The following CEP192 variants were observed in gnomAD, a reference collection of about 807,000 sequenced individuals.
The protein encoded by CEP192 is centrosomal protein 192.
CEP192 carries 151 observed loss-of-function variants against 271.8 expected under a neutral mutation model. The ratio of observed to expected loss-of-function variants is 0.56; its 90% CI spans 0.49 to 0.64. The LOEUF is 0.64. Among genes scored for constraint, CEP192 ranks in the 30% least tolerant of loss-of-function variants. The pLI, the probability that CEP192 is intolerant of heterozygous loss-of-function variation, is 0.00. For synonymous variants in CEP192, 995 were observed against 1,076.5 expected, an observed-to-expected ratio of 0.92 and a Z score of 1.48; for missense variants, 2,910 against 3,020.5, an observed-to-expected ratio of 0.96 and a Z score of 0.86.
intron 38 of CEP192, among the ~76,000 whole-genome samples, 196 bp from the exon 39 acceptor site, chr18:13,103,313 C>T (rs1456710952): frequency 6.6e-6 from 1 of 152,150 alleles, no homozygotes; most frequent in Non-Finnish European, 1.5e-5. Context: ...TTGCATTATA[C>T]TTGTAATAAA....
At chr18:13,075,025 T>C (rs925006996) in intron 30 of CEP192, among the ~76,000 whole-genome samples, 2 of 152,252 alleles carry the variant, frequency 1.3e-5, no homozygotes. Flanking sequence ...AAGTGGATGC[T>C]GTAATCTGAA....
intron 40 of CEP192, among the ~76,000 whole-genome samples, chr18:13,112,258 T>C (rs2040241412): frequency 6.6e-6 from 1 of 152,244 alleles, no homozygotes; most frequent in Non-Finnish European, 1.5e-5. Flanking sequence ...AAATCTGGTA[T>C]ATCTGTAAAA....
At chr18:13,021,586 T>C (rs2034998467) in intron 9 of CEP192, among the ~76,000 whole-genome samples, 1 of 152,236 alleles carries the variant, frequency 6.6e-6, no homozygotes, top group Non-Finnish European at 1.5e-5. Context: ...TTTTTTTGGC[T>C]GAGGCCCTTT....
chr18:13,079,795 T>C (rs909595014), intron 30 of CEP192, among the ~76,000 whole-genome samples: 5 of 152,222 alleles, frequency 3.3e-5, no homozygotes, highest in African/African-American at 1.2e-4. Context: ...ATTTAATCCA[T>C]CTTGAATTAA....
Position 13,100,485 on chromosome 18 carries a change from C to A in CEP192, c.6844C>A (p.Pro2282Thr), listed in dbSNP as rs757760650. ...AATAAGAAACAAGAGTATTACTTTT[C>A]CTACAACAGAACCTGGTGAAACTTC... Reference protein sequence around the residue: ...VEIRNKSITFPTTEPGETSES... With the variant: ...VEIRNKSITFTTTEPGETSES... The change falls in exon 38 of 45, where the codon CCT (proline) becomes ACT (threonine). Residue 2282 changes from proline to threonine, a missense_variant. Transcript: ENST00000506447. The A allele has an allele frequency of 6.2e-7, 1 of 1,613,626 alleles. No homozygotes were observed. Among genetic ancestry groups the A allele is most frequent in the Non-Finnish European group, 8.5e-7 (1 of 1,179,800 alleles).
intron 30 of CEP192, among the ~76,000 whole-genome samples, chr18:13,077,059 G>A (rs1310251209): frequency 1.3e-5 from 2 of 151,974 alleles, no homozygotes; most frequent in Non-Finnish European, 2.9e-5. Flanking sequence ...CTGAGATTAC[G>A]GGCGTGAGCC....
At chr18:13,031,499 G>A (rs905606841) in intron 11 of CEP192, among the ~76,000 whole-genome samples, 9 of 152,074 alleles carry the variant, frequency 5.9e-5, no homozygotes, top group Admixed American at 3.9e-4. Context: ...TGCCCGCCTC[G>A]GCCTCCCAAA....
At chr18:12,998,855 C>T (rs2145776044) in intron 1 of CEP192, among the ~76,000 whole-genome samples, 1 of 152,242 alleles carries the variant, frequency 6.6e-6, no homozygotes, top group South Asian at 2.1e-4. Flanking sequence ...TGGTGTTTTC[C>T]AGATTTAGTC....
intron 27 of CEP192, 110 bp from the exon 28 acceptor site, chr18:13,070,929 A>G: frequency 1.2e-6 from 1 of 816,070 alleles, no homozygotes; most frequent in Non-Finnish European, 2.0e-6. Context: ...TGGGAATATC[A>G]TTGTATCCCC....
chr18:13,031,635 A>G (rs2035638639), intron 11 of CEP192, among the ~76,000 whole-genome samples: 1 of 152,136 alleles, frequency 6.6e-6, no homozygotes, highest in Admixed American at 6.5e-5. Flanking sequence ...AAGTCTTGTA[A>G]TGTGGAATTA....
chr18:13,096,942 C>A (rs1454027768), intron 36 of CEP192, among the ~76,000 whole-genome samples: 2 of 152,188 alleles, frequency 1.3e-5, no homozygotes, highest in Non-Finnish European at 1.5e-5. Context: ...TTCATCTGGC[C>A]AGCACATGAC....
intron 2 of CEP192, among the ~76,000 whole-genome samples, chr18:13,001,142 C>G (rs1332083383): frequency 6.6e-6 from 1 of 152,188 alleles, no homozygotes; most frequent in Non-Finnish European, 1.5e-5. Context: ...AAACTGGCCA[C>G]TTTCTTGTCT....
intron 4 of CEP192, among the ~76,000 whole-genome samples, chr18:13,011,961 C>T (rs1368832035): frequency 6.6e-6 from 1 of 152,174 alleles, no homozygotes; most frequent in African/African-American, 2.4e-5. Flanking sequence ...TGGAGTATTA[C>T]TCATCCACAA....
chr18:13,032,220 T>C (rs1444837562), intron 11 of CEP192, among the ~76,000 whole-genome samples: 1 of 152,028 alleles, frequency 6.6e-6, no homozygotes, highest in Non-Finnish European at 1.5e-5. Context: ...GTGAAAGACG[T>C]AGAAGTAAAA....
chr18:13,113,486 T>C lies in CEP192; in HGVS notation c.7048-100T>C, dbSNP rs1299366182. The C allele has an allele frequency of 7.7e-6, 9 of 1,169,020 alleles. No homozygotes were observed. The Admixed American group carries it at 2.0e-4, about 26-fold the overall frequency. 72.4% of individuals were successfully genotyped at this position (1,169,020 alleles called of 1,614,324 possible). A position where few individuals can be genotyped will look rare whatever the true frequency, so the allele number is the denominator to read the frequency against. On this transcript the variant is annotated intron_variant, in intron 40 of 44. Coordinates refer to ENST00000506447, the MANE Select transcript of CEP192 (RefSeq NM_032142.4). ...AACTAGCCAGTGCAAAAGCATTTGT[T>C]CCTTTAATTTTTTTCATACCAAATC...
intron 40 of CEP192, among the ~76,000 whole-genome samples, chr18:13,110,141 A>G (rs538831443): frequency 2.5e-4 from 38 of 152,262 alleles, no homozygotes; most frequent in Non-Finnish European, 4.0e-4. Context: ...CACAGTTGTA[A>G]TTAAAATCTA....
At chr18:13,114,297 T>C in intron 42 of CEP192, 46 bp downstream of exon 42, 1 of 1,599,766 alleles carries the variant, frequency 6.3e-7, no homozygotes, top group Non-Finnish European at 8.5e-7. Flanking sequence ...CAGTACTTTA[T>C]TGAGGAATAG....
At chr18:13,111,266 A>G (rs1441576722) in intron 40 of CEP192, among the ~76,000 whole-genome samples, 1 of 152,174 alleles carries the variant, frequency 6.6e-6, no homozygotes, top group African/African-American at 2.4e-5. Flanking sequence ...CTGGGACTAC[A>G]GGTGCCCACC....
In CEP192 at chr18:13,072,862, G is replaced by T. The variant is rs770595824; in HGVS notation, c.5439+17G>T. 1 of 1,587,868 alleles carries T rather than the reference G, an allele frequency of 6.3e-7. No individual in the cohort carries two copies. The highest frequency in any genetic ancestry group is 8.6e-7 in the Non-Finnish European group (1 of 1,156,158). ...TGCTTTCAGGTTCGTAGAGTACGTG[G>T]ATTCTTGTTATGTCTTCTGTCTGGG... On this transcript the variant is annotated intron_variant, in intron 29 of 44. Transcript: ENST00000506447.
Sources: allele counts gnomAD v4.1 joint callset (sites outside exome capture counted in the v4.1 genomes callset), GRCh38; gene constraint gnomAD v4.1.1; transcripts MANE v1.5; gene names NCBI Gene and HGNC (gene_info 2026-07-23, HGNC 2026-07-21).